ACSL6: variants seen among roughly 807,000 people sequenced by gnomAD.
ACSL6 encodes the protein acyl-CoA synthetase long chain family member 6.
ACSL6 carries 47 observed loss-of-function variants against 98.2 expected under a neutral mutation model. That is an observed-to-expected ratio of 0.48 (90% CI 0.38 to 0.61). ACSL6 has a LOEUF of 0.61. ACSL6 is among the 20% of genes least tolerant of loss of function. The pLI is 0.00. For synonymous variants in ACSL6, 362 were observed against 336.9 expected, an observed-to-expected ratio of 1.07 and a Z score of -0.82; for missense variants, 761 against 913.4, an observed-to-expected ratio of 0.83 and a Z score of 2.15.
chr5:131,951,396 A>T lies in ACSL6; in HGVS notation c.*2838T>A. ...GGTTTCATTTCTCATTTCTTACAAA[A>T]TTAAGTGGCATTAAACAGAGAAATA... On this transcript the variant is annotated 3_prime_UTR_variant, in exon 21 of 21. Transcript: ENST00000651883. 1 of 201,008 alleles carries T rather than the reference A, an allele frequency of 5.0e-6. No homozygotes were observed. The highest frequency in any genetic ancestry group is 1.0e-5 in the Non-Finnish European group (1 of 97,504). The allele number at this position is 201,008 out of a possible 1,614,324, so 12.5% of individuals were successfully genotyped here. A position where few individuals can be genotyped will look rare whatever the true frequency, so the allele number is the denominator to read the frequency against.
At position 131,971,623 on chromosome 5, in the gene ACSL6, C is replaced by T. The variant is rs1215418257; in HGVS notation, c.1361G>A (p.Arg454Gln). The change falls in exon 14 of 21, where the codon CGG (arginine) becomes CAG (glutamine). Residue 454 changes from arginine to glutamine, a missense_variant. By Grantham distance (43) the Arg-to-Gln change is conservative (BLOSUM62 1). Coordinates refer to ENST00000651883, the MANE Select transcript of ACSL6 (RefSeq NM_001009185.3). ...KIQASLGGCV[R>Q]MIVTGAAPAS... Reference sequence around the variant, plus strand: ...TGGGGCTGCTCCAGTAACAATCATCCGCACACACCCACCAAGACTGGCCTG... The same window carrying T: ...TGGGGCTGCTCCAGTAACAATCATCTGCACACACCCACCAAGACTGGCCTG... 7 of 1,610,830 alleles carry T rather than the reference C, an allele frequency of 4.3e-6. No individual in the cohort carries two copies. Among genetic ancestry groups the T allele is most frequent in the African/African-American group, 1.3e-5 (1 of 74,860 alleles).
intron 10 of ACSL6, 109 bp from the exon 11 acceptor site, chr5:131,975,079 GA>G (rs1219111082): frequency 3.4e-6 from 5 of 1,459,046 alleles, no homozygotes; most frequent in East Asian, 2.5e-5. Flanking sequence ...TAAACAGGAA[GA>G]GGGGGAGGGG....
chr5:131,994,890 G>A (rs990587805), intron 1 of ACSL6, among the ~76,000 whole-genome samples: 3 of 152,284 alleles, frequency 2.0e-5, no homozygotes, highest in African/African-American at 4.8e-5. Context: ...GTCCCTCACC[G>A]ACTACCAAGA....
Position 131,952,227 on chromosome 5 carries a change from G to A in ACSL6, c.*2007C>T, listed in dbSNP as rs187177513. 1.3e-3 allele frequency: 244 copies of A among 190,878 alleles called. No homozygotes were observed. Among genetic ancestry groups the A allele is most frequent in the African/African-American group, 1.5e-3 (64 of 43,034 alleles). The allele number at this position is 190,878 out of a possible 1,614,324, so 11.8% of individuals were successfully genotyped here. On this transcript the variant is annotated 3_prime_UTR_variant, in exon 21 of 21. Coordinates refer to ENST00000651883, the MANE Select transcript of ACSL6 (RefSeq NM_001009185.3). ...TTTAAGTATTAGTTTATTCAGAAAC[G>A]CCTTTAAAAATCAGTGTGTATAGAA...
chr5:131,967,263 C>T (rs190782794), intron 16 of ACSL6, among the ~76,000 whole-genome samples: 12 of 152,204 alleles, frequency 7.9e-5, no homozygotes, highest in Middle Eastern at 3.4e-3. Flanking sequence ...AGGAGAATTG[C>T]TTGAGCCCAG....
chr5:131,959,452 A>C, intron 20 of ACSL6, 84 bp downstream of exon 20: 1 of 1,440,652 alleles, frequency 6.9e-7, no homozygotes, highest in Non-Finnish European at 9.7e-7. Flanking sequence ...AAAGTCAGGA[A>C]TCTAGGTCAG....
At chr5:131,982,826 C>A (rs1458179431) in intron 9 of ACSL6, 2 of 152,200 alleles carry the variant, frequency 1.3e-5, no homozygotes, top group East Asian at 3.8e-4. Flanking sequence ...GCCGGGTAAC[C>A]CATGCACCAG....
upstream of ACSL6, chr5:132,011,706 C>T: frequency 7.9e-7 from 1 of 1,271,482 alleles, no homozygotes; most frequent in Non-Finnish European, 9.9e-7. This position sits in a 1 kb window ranked among gnomAD's most constrained non-coding sequence, Gnocchi z 5.4. Context: ...CTCCCGCCTC[C>T]CCGCGCCGCT....
In ACSL6 at chr5:131,968,018, C is replaced by T. The variant is rs1431509978; in HGVS notation, c.1518G>A (p.Gly506=). 1.9e-6 allele frequency: 3 copies of T among 1,613,650 alleles called. No homozygotes were observed. The highest frequency in any genetic ancestry group is 1.7e-6 in the Non-Finnish European group (2 of 1,179,810). Residue 506 remains glycine, a synonymous_variant, in exon 16 of 21, where the codon GGG becomes GGA. Coordinates refer to ENST00000651883, the MANE Select transcript of ACSL6 (RefSeq NM_001009185.3). The part of the protein sequence containing the change: ...TPGDWTSGHV[G]APLPCNHIKL... ...TGATATGATTGCAGGGAAGTGGCGC[C>T]CCTACGTGCCCTGGAACACCGGAGC...
chr5:132,001,644 C>A (rs1230162412), intron 1 of ACSL6, among the ~76,000 whole-genome samples: 1 of 152,120 alleles, frequency 6.6e-6, no homozygotes, highest in African/African-American at 2.4e-5. Flanking sequence ...TCAATTAAGC[C>A]CCTTGAATGT....
intron 9 of ACSL6, among the ~76,000 whole-genome samples, chr5:131,977,790 C>CTAAGAGAGT (rs1753696715): frequency 2.6e-5 from 4 of 152,126 alleles, no homozygotes; most frequent in African/African-American, 9.7e-5. Context: ...GAGTGTTGTA[C>CTAAGAGAGT]TCGATGCCCC....
intron 1 of ACSL6, among the ~76,000 whole-genome samples, chr5:132,003,052 A>G (rs1376136562): frequency 6.6e-6 from 1 of 152,178 alleles, no homozygotes; most frequent in Non-Finnish European, 1.5e-5. Flanking sequence ...ACCATTCCAG[A>G]GTCACTGAAT....
chr5:131,962,643 A>G lies in ACSL6; in HGVS notation c.1749T>C (p.His583=), dbSNP rs1752772413. The G allele has an allele frequency of 6.2e-7, 1 of 1,614,120 alleles. No individual in the cohort carries two copies. The highest frequency in any genetic ancestry group is 8.5e-7 in the Non-Finnish European group (1 of 1,179,988). Residue 583 remains histidine (H), a synonymous_variant, in exon 18 of 21, where the codon CAT becomes CAC. Coordinates refer to ENST00000651883, the MANE Select transcript of ACSL6 (RefSeq NM_001009185.3). ...GTLKIIDRKK[H]IFKLAQGEYV... Reference sequence around the variant, plus strand: ...ATTCTCCCTGAGCAAGTTTAAATATATGCTTTTTCCGATCAATAATTTTAA... The same window carrying G: ...ATTCTCCCTGAGCAAGTTTAAATATGTGCTTTTTCCGATCAATAATTTTAA...
At chr5:131,966,570 A>C in intron 16 of ACSL6, 38 bp from the exon 17 acceptor site, 1 of 1,572,940 alleles carries the variant, frequency 6.4e-7, no homozygotes, top group South Asian at 1.1e-5. Context: ...CAGCCACATC[A>C]TGAGGAATCA....
intron 20 of ACSL6, among the ~76,000 whole-genome samples, 162 bp from the exon 21 acceptor site, chr5:131,954,533 C>G (rs1471387625): frequency 1.3e-5 from 2 of 152,312 alleles, no homozygotes; most frequent in East Asian, 3.9e-4. Context: ...TTTTACGTAT[C>G]TAAAAGCCAA....
chr5:131,976,795 G>A, intron 9 of ACSL6, 74 bp from the exon 10 acceptor site: 3 of 1,289,210 alleles, frequency 2.3e-6, no homozygotes, highest in Non-Finnish European at 3.4e-6. Context: ...GCCCAAGTTG[G>A]CAGTCCCAGA....
chr5:132,002,371 A>C (rs1289440586), intron 1 of ACSL6, among the ~76,000 whole-genome samples: 1 of 152,262 alleles, frequency 6.6e-6, no homozygotes, highest in Non-Finnish European at 1.5e-5. Context: ...AGTAAAGGGC[A>C]TATGGGCTGC....
At chr5:131,958,409 A>T (rs1752530691) in intron 20 of ACSL6, among the ~76,000 whole-genome samples, 1 of 152,238 alleles carries the variant, frequency 6.6e-6, no homozygotes, top group Non-Finnish European at 1.5e-5. Flanking sequence ...AAGTCAGTTC[A>T]TATGCCAAAA....
At chr5:131,990,257 T>C (rs778086501) in intron 3 of ACSL6, 93 bp from the exon 4 acceptor site, 35 of 1,255,602 alleles carry the variant, frequency 2.8e-5, no homozygotes, top group Admixed American at 5.7e-5. Context: ...GGACATCCCA[T>C]ACTGTAGTGT....
Sources: allele counts gnomAD v4.1 joint callset (sites outside exome capture counted in the v4.1 genomes callset), GRCh38; gene constraint gnomAD v4.1.1; non-coding constraint Gnocchi (gnomAD v3.1); transcripts MANE v1.5; gene names NCBI Gene and HGNC (gene_info 2026-07-23, HGNC 2026-07-21).